Variants in ADAMTS6 observed in about 807,000 individuals in gnomAD.
ADAMTS6 encodes A disintegrin and metalloproteinase with thrombospondin motifs 6.
ADAMTS6 carries 23 observed loss-of-function variants against 144.3 expected under a neutral mutation model. The observed-to-expected ratio is 0.16, with a 90% CI of 0.11 to 0.23. The LOEUF is 0.23. Ranked by LOEUF, ADAMTS6 falls within the 10% of genes least tolerant of loss-of-function variation. The pLI is 1.00. For synonymous variants in ADAMTS6, 444 were observed against 457.5 expected, an observed-to-expected ratio of 0.97 and a Z score of 0.38; for missense variants, 999 against 1,379.6, an observed-to-expected ratio of 0.72 and a Z score of 4.37.
chr5:65,255,130 G>C (rs928421789), intron 14 of ADAMTS6, among the ~76,000 whole-genome samples: 3 of 152,070 alleles, frequency 2.0e-5, no homozygotes, highest in Non-Finnish European at 4.4e-5. Context: ...TCTCAGGAGG[G>C]GTGACCCTAA....
At chr5:65,262,369 A>G (rs1363736561) in intron 13 of ADAMTS6, among the ~76,000 whole-genome samples, 2 of 152,224 alleles carry the variant, frequency 1.3e-5, no homozygotes, top group Admixed American at 6.5e-5. Flanking sequence ...TGTGATGCGA[A>G]TCAAGGCATT....
At chr5:65,257,663 T>C (rs62369607) in intron 14 of ADAMTS6, among the ~76,000 whole-genome samples, 1 of 152,186 alleles carries the variant, frequency 6.6e-6, no homozygotes, top group Non-Finnish European at 1.5e-5. Context: ...AAGATAAAGA[T>C]CACACTTCTT....
At chr5:65,405,242 C>A (rs1330780744) in intron 7 of ADAMTS6, among the ~76,000 whole-genome samples, 2 of 152,038 alleles carry the variant, frequency 1.3e-5, no homozygotes, top group Non-Finnish European at 2.9e-5. Context: ...CTGAATGGTA[C>A]TGCCTAGGTT....
At chr5:65,228,239 T>C (rs74958046) in intron 15 of ADAMTS6, among the ~76,000 whole-genome samples, 2 of 151,982 alleles carry the variant, frequency 1.3e-5, no homozygotes, top group Non-Finnish European at 2.9e-5. Flanking sequence ...ATTTTGTGCA[T>C]TAGGCTTTAA....
At chr5:65,421,804 A>G (rs566836853) in intron 7 of ADAMTS6, among the ~76,000 whole-genome samples, 1 of 152,368 alleles carries the variant, frequency 6.6e-6, no homozygotes, top group African/African-American at 2.4e-5. Flanking sequence ...ACATAAAAAA[A>G]TCAACTCAAG....
At chr5:65,209,535 T>C (rs1462510954) in intron 20 of ADAMTS6, among the ~76,000 whole-genome samples, 1 of 152,204 alleles carries the variant, frequency 6.6e-6, no homozygotes, top group Non-Finnish European at 1.5e-5. Context: ...TTGGACTGAA[T>C]CACCAATGTT....
In ADAMTS6 at chr5:65,347,717, T is replaced by C. The variant is rs142141824; in HGVS notation, c.1074-13632A>G. ...AATTTAACAGTGATAAGACAACCTA[T>C]AGATTAGGAGAAAATATTTTAAACC... On this transcript the variant is annotated intron_variant, in intron 7 of 24. Coordinates refer to ENST00000381055, the MANE Select transcript of ADAMTS6 (RefSeq NM_197941.4). 2.1e-3 allele frequency among the ~76,000 whole-genome samples: 320 copies of C among 152,136 alleles called. 1 individual carries two copies. Among genetic ancestry groups the C allele is most frequent in the African/African-American group, 7.4e-3 (306 of 41,544 alleles).
chr5:65,259,559 C>T (rs1012864580), intron 14 of ADAMTS6, among the ~76,000 whole-genome samples: 11 of 152,126 alleles, frequency 7.2e-5, no homozygotes, highest in African/African-American at 2.4e-4. Context: ...GCATGGAAAT[C>T]ACCTGTGACT....
chr5:65,373,217 C>T (rs1259163578), intron 7 of ADAMTS6, among the ~76,000 whole-genome samples: 1 of 150,512 alleles, frequency 6.6e-6, no homozygotes, highest in Non-Finnish European at 1.5e-5. Flanking sequence ...CAAGAGCAAA[C>T]ACATTCAAAA....
At chr5:65,300,630 TTTTC>T (rs1561396141) in intron 9 of ADAMTS6, among the ~76,000 whole-genome samples, 1 of 151,614 alleles carries the variant, frequency 6.6e-6, no homozygotes, top group Admixed American at 6.5e-5. Context: ...TCCTTTTTCT[TTTTC>T]TTTCTTTTTT....
At chr5:65,256,985 C>CT (rs545846781) in intron 14 of ADAMTS6, among the ~76,000 whole-genome samples, 2,881 of 88,638 alleles carry the variant, frequency 0.033, 128 homozygotes, top group African/African-American at 0.059. Flanking sequence ...CTCTCTCTCT[C>CT]TTTTTTTTTT....
intron 7 of ADAMTS6, among the ~76,000 whole-genome samples, chr5:65,378,340 A>G (rs555179765): frequency 3.9e-5 from 6 of 152,156 alleles, no homozygotes; most frequent in African/African-American, 1.4e-4. Context: ...TCTTCTCCCA[A>G]TATCCAATCA....
chr5:65,214,457 G>C lies in ADAMTS6; in HGVS notation c.2575+337C>G, dbSNP rs1391109694. On this transcript the variant is annotated intron_variant, in intron 20 of 24. Transcript: ENST00000381055. The surrounding 1 kb of genome is among the most constrained non-coding windows in gnomAD (Gnocchi z 4.6). ...GTTGCATCTGTGATGTCTGATTCTT[G>C]CTCATTTTCTTTTTTAAAACTTTTG... The C allele has an allele frequency of 5.4e-6, 2 of 372,254 alleles. No individual in the cohort carries two copies. Among genetic ancestry groups the C allele is most frequent in the Non-Finnish European group, 1.0e-5 (2 of 194,458 alleles). 23.1% of individuals were successfully genotyped at this position (372,254 alleles called of 1,614,324 possible). A position where few individuals can be genotyped will look rare whatever the true frequency, so the allele number is the denominator to read the frequency against.
chr5:65,336,487 C>A (rs894878578), intron 7 of ADAMTS6, among the ~76,000 whole-genome samples: 6 of 152,048 alleles, frequency 3.9e-5, no homozygotes, highest in African/African-American at 1.2e-4. Context: ...ACAAGCTTTG[C>A]AGGATGTATA....
intron 7 of ADAMTS6, among the ~76,000 whole-genome samples, chr5:65,349,657 C>A (rs900186766): frequency 2.0e-5 from 3 of 151,960 alleles, no homozygotes; most frequent in Non-Finnish European, 4.4e-5. Context: ...GAGTTCGAGA[C>A]CAGCCTGGCC....
intron 7 of ADAMTS6, among the ~76,000 whole-genome samples, chr5:65,418,217 C>A (rs1046056231): frequency 2.0e-5 from 3 of 152,134 alleles, no homozygotes; most frequent in African/African-American, 7.2e-5. Flanking sequence ...AAAATTAACT[C>A]AAGATGGATT....
In ADAMTS6 at chr5:65,214,165, GA is replaced by G; in HGVS notation, c.2575+628del. ...GATTAGGAATAGAGTAAATTGTAGGGAAAAGGCACCCATGAAAAACGCACAT... is the reference window on the plus strand; with the variant it reads ...GATTAGGAATAGAGTAAATTGTAGGGAAAGGCACCCATGAAAAACGCACAT... On this transcript the variant is annotated intron_variant, in intron 20 of 24. Coordinates refer to ENST00000381055, the MANE Select transcript of ADAMTS6 (RefSeq NM_197941.4). The surrounding 1 kb of genome is among the most constrained non-coding windows in gnomAD (Gnocchi z 4.6). 5.6e-6 allele frequency: 1 copy of G among 177,166 alleles called. No individual in the cohort carries two copies. The highest frequency in any genetic ancestry group is 1.4e-5 in the Non-Finnish European group (1 of 72,484). The allele number at this position is 177,166 out of a possible 1,614,324, so 11.0% of individuals were successfully genotyped here.
chr5:65,216,345 A>C (rs1257938930), intron 18 of ADAMTS6, among the ~76,000 whole-genome samples: 1 of 151,864 alleles, frequency 6.6e-6, no homozygotes, highest in Non-Finnish European at 1.5e-5. Context: ...GATCACATAT[A>C]GTATGCTTCC....
chr5:65,268,846 C>T (rs1761837256), intron 12 of ADAMTS6, among the ~76,000 whole-genome samples: 1 of 152,340 alleles, frequency 6.6e-6, no homozygotes, highest in South Asian at 2.1e-4. Flanking sequence ...CAGAGTTTGA[C>T]GAGATCATCA....
Sources: gnomAD v4.1 joint callset for allele counts (sites outside exome capture counted in the v4.1 genomes callset) on GRCh38, gnomAD v4.1.1 for gene constraint, Gnocchi (gnomAD v3.1) non-coding constraint, MANE v1.5 for transcripts, NCBI Gene and HGNC (gene_info 2026-07-23, HGNC 2026-07-21) for gene names.